Variants in DOCK7 observed in about 807,000 individuals in gnomAD.
DOCK7 encodes the protein dedicator of cytokinesis 7, also known as dedicator of cytokinesis protein 7.
Under a neutral mutation model 271.0 loss-of-function variants are expected in DOCK7, and 138 were observed. The ratio of observed to expected loss-of-function variants is 0.51; its 90% CI spans 0.44 to 0.59. DOCK7 has a LOEUF of 0.59. DOCK7 is among the 20% of genes least tolerant of loss of function. The pLI is 0.00. For missense variants in DOCK7, 2,066 were observed against 2,592.4 expected (o/e 0.80, Z 4.41); for synonymous variants, 823 against 876.1 (o/e 0.94, Z 1.07).
intron 41 of DOCK7, chr1:62,492,314 G>A (rs1646490949): frequency 6.4e-6 from 1 of 156,636 alleles, no homozygotes. Flanking sequence ...TTGGAGACAG[G>A]GTTTTACTCT....
In DOCK7 at chr1:62,529,417, T is replaced by A; in HGVS notation, c.3641A>T (p.Asn1214Ile). Residue 1214 changes from asparagine (N) to isoleucine (I), a missense_variant, in exon 30 of 50, where the codon AAT becomes ATT. Physicochemically the swap from Asn to Ile is moderately radical, Grantham distance 149. Around this residue, in one of 2 missense-constraint regions of DOCK7, gnomAD observed 1,414 missense variants for 1,670.4 expected, o/e 0.85. Transcript: ENST00000635253. The part of the protein sequence containing the change: ...GLFGLHKKVI[N>I]MVHNLLSSHD... ...ACTGGAGAGTAAATTGTGTACCATATTGATGACTTTCTTATGCAATCCAAA... is the reference window on the plus strand; with the variant it reads ...ACTGGAGAGTAAATTGTGTACCATAATGATGACTTTCTTATGCAATCCAAA... The A allele has an allele frequency of 6.2e-7, 1 of 1,611,442 alleles. No individual in the cohort carries two copies. The highest frequency in any genetic ancestry group is 8.5e-7 in the Non-Finnish European group (1 of 1,179,284).
At chr1:62,506,890 T>C (rs1646954354) in intron 35 of DOCK7, among the ~76,000 whole-genome samples, 1 of 151,026 alleles carries the variant, frequency 6.6e-6, no homozygotes, top group South Asian at 2.1e-4. Context: ...GAGGTTGTGG[T>C]GAGCTGAGAT....
chr1:62,553,853 G>GCACA (rs138684696), intron 21 of DOCK7, among the ~76,000 whole-genome samples: 1 of 120,958 alleles, frequency 8.3e-6, no homozygotes, highest in Non-Finnish European at 2.0e-5. Flanking sequence ...GTGCGTGCGC[G>GCACA]CACACACACA....
Position 62,647,675 on chromosome 1 carries a change from A to G in DOCK7, c.818+16T>C. The G allele has an allele frequency of 6.5e-7, 1 of 1,546,920 alleles. No individual in the cohort carries two copies. Among genetic ancestry groups the G allele is most frequent in the Non-Finnish European group, 8.8e-7 (1 of 1,141,216 alleles). The stretch of plus-strand genomic sequence containing the variant: ...CTGGAAAATAAAAGTTGTAAGTAAA[A>G]GAAATAAATACTCACTTGAGTGATA... On this transcript the variant is annotated intron_variant, in intron 7 of 49. Transcript: ENST00000635253.
chr1:62,473,963 C>G lies in DOCK7; in HGVS notation c.6212+19G>C, dbSNP rs1168007. On this transcript the variant is annotated intron_variant, in intron 48 of 49. Coordinates refer to ENST00000635253, the MANE Select transcript of DOCK7 (RefSeq NM_001367561.1). The stretch of plus-strand genomic sequence containing the variant: ...GACAGTCTCAATTTGAAGATCTTTA[C>G]GCAGAAAGCCTTGAATACCTTTTAG... 1 of 1,596,000 alleles carries G rather than the reference C, an allele frequency of 6.3e-7. No individual in the cohort carries two copies. The highest frequency in any genetic ancestry group is 8.6e-7 in the Non-Finnish European group (1 of 1,164,506).
At chr1:62,637,750 G>A (rs1655460842) in intron 7 of DOCK7, among the ~76,000 whole-genome samples, 1 of 152,092 alleles carries the variant, frequency 6.6e-6, no homozygotes, top group African/African-American at 2.4e-5. Flanking sequence ...CATTCCCTGG[G>A]GCTAGCAAAA....
intron 7 of DOCK7, among the ~76,000 whole-genome samples, chr1:62,638,767 T>C (rs551708141): frequency 1.0e-3 from 154 of 151,166 alleles, no homozygotes; most frequent in African/African-American, 3.1e-3. Context: ...ACAAGACAGA[T>C]AGACACAAAG....
At chr1:62,548,151 TA>T (rs1028131320) in intron 22 of DOCK7, among the ~76,000 whole-genome samples, 3 of 143,108 alleles carry the variant, frequency 2.1e-5, no homozygotes, top group African/African-American at 5.2e-5. Context: ...AGATAAACAC[TA>T]AAAAAAAATC....
intron 18 of DOCK7, among the ~76,000 whole-genome samples, chr1:62,565,382 C>G (rs143475137): frequency 4.5e-4 from 69 of 152,236 alleles, no homozygotes; most frequent in Middle Eastern, 3.4e-3. Context: ...CAGCTTCATC[C>G]CTGGGATGCA....
chr1:62,506,620 G>A (rs1475538807), intron 35 of DOCK7, among the ~76,000 whole-genome samples: 6 of 151,790 alleles, frequency 4.0e-5, no homozygotes, highest in African/African-American at 7.3e-5. Flanking sequence ...ACAGGTGTGC[G>A]CCACCACACC....
At chr1:62,621,585 T>C (rs941245318) in intron 12 of DOCK7, among the ~76,000 whole-genome samples, 6 of 152,188 alleles carry the variant, frequency 3.9e-5, no homozygotes, top group South Asian at 2.1e-4. Flanking sequence ...AACAAGGATA[T>C]AGAATTGATC....
At chr1:62,517,294 A>C (rs1190515459) in intron 31 of DOCK7, among the ~76,000 whole-genome samples, 1 of 152,110 alleles carries the variant, frequency 6.6e-6, no homozygotes, top group African/African-American at 2.4e-5. Flanking sequence ...AAAACAAAAC[A>C]AACAAACAAA....
intron 11 of DOCK7, among the ~76,000 whole-genome samples, chr1:62,625,963 T>A (rs984083670): frequency 6.6e-6 from 1 of 152,050 alleles, no homozygotes; most frequent in African/African-American, 2.4e-5. Context: ...ACTTAGAAAA[T>A]ATTCTCTAAA....
chr1:62,670,624 G>A (rs1454140193), intron 1 of DOCK7, among the ~76,000 whole-genome samples: 2 of 152,146 alleles, frequency 1.3e-5, no homozygotes, highest in Non-Finnish European at 2.9e-5. Context: ...TCGACACTCT[G>A]TATCTAGCTG....
At chr1:62,683,299 G>A (rs541954132) in intron 1 of DOCK7, among the ~76,000 whole-genome samples, 2 of 152,314 alleles carry the variant, frequency 1.3e-5, no homozygotes, top group African/African-American at 2.4e-5. Context: ...CAGGCAGCAC[G>A]GAAGTAGTTG....
Position 62,516,941 on chromosome 1 carries a change from CT to C in DOCK7, c.3937-3044del, listed in dbSNP as rs1644679278. On this transcript the variant is annotated intron_variant, in intron 31 of 49. Transcript: ENST00000635253. ...CATAGATGTATAAGAACACATGTAT[CT>C]TTGTCAGACTATACAACCTACTAAC... 4 of 152,514 alleles carry C rather than the reference CT, an allele frequency of 2.6e-5. No individual in the cohort carries two copies. The South Asian group carries it at 8.3e-4, about 32-fold the overall frequency. The allele number at this position is 152,514 out of a possible 1,614,324, so 9.4% of individuals were successfully genotyped here. A position where few individuals can be genotyped will look rare whatever the true frequency, so the allele number is the denominator to read the frequency against.
At chr1:62,681,231 T>C (rs1160830348) in intron 1 of DOCK7, among the ~76,000 whole-genome samples, 1 of 152,020 alleles carries the variant, frequency 6.6e-6, no homozygotes, top group Non-Finnish European at 1.5e-5. Flanking sequence ...TCATGTCCTT[T>C]GTAGGGACAT....
intron 37 of DOCK7, among the ~76,000 whole-genome samples, chr1:62,498,049 G>C (rs1352189211): frequency 6.6e-6 from 1 of 150,924 alleles, no homozygotes; most frequent in Non-Finnish European, 1.5e-5. Flanking sequence ...GTTCACTGAG[G>C]CCCAAAGTTT....
chr1:62,647,568 G>T, intron 7 of DOCK7, 123 bp downstream of exon 7: 1 of 686,448 alleles, frequency 1.5e-6, no homozygotes, highest in Non-Finnish European at 2.5e-6. Flanking sequence ...AAAATGACAT[G>T]TAGAACAATA....
Sources: gnomAD v4.1 joint callset for allele counts (sites outside exome capture counted in the v4.1 genomes callset) on GRCh38, gnomAD v4.1.1 for gene constraint, gnomAD v4.1.1 regional missense constraint, MANE v1.5 for transcripts, NCBI Gene and HGNC (gene_info 2026-07-23, HGNC 2026-07-21) for gene names.